RRAS2: variants seen among roughly 807,000 people sequenced by gnomAD.
RRAS2 encodes RAS related 2, also known as ras-related protein R-Ras2.
RRAS2 carries 7 observed loss-of-function variants against 27.6 expected under a neutral mutation model. That is an observed-to-expected ratio of 0.25 (90% confidence interval 0.14 to 0.48). The LOEUF is 0.48. Among genes scored for constraint, RRAS2 ranks in the 20% least tolerant of loss-of-function variants. RRAS2 has a pLI of 0.99. For missense variants in RRAS2, 178 were observed against 256.2 expected, an observed-to-expected ratio of 0.69 and a Z score of 2.08; for synonymous variants, 86 against 90.9, an observed-to-expected ratio of 0.95 and a Z score of 0.31.
chr11:14,287,261 T>C (rs76572957), intron 4 of RRAS2, among the ~76,000 whole-genome samples: 1 of 152,188 alleles, frequency 6.6e-6, no homozygotes, highest in African/African-American at 2.4e-5. Context: ...AGGTTTGTCT[T>C]TGTACATCCA....
At chr11:14,348,541 A>G (rs782644497) in intron 1 of RRAS2, among the ~76,000 whole-genome samples, 2 of 152,162 alleles carry the variant, frequency 1.3e-5, no homozygotes, top group Non-Finnish European at 2.9e-5. Flanking sequence ...CTTCTAGATC[A>G]TTTATTTATC....
At position 14,358,685 on chromosome 11, in the gene RRAS2, G is replaced by A; in HGVS notation, c.108+78C>T. The A allele has an allele frequency of 6.7e-6, 7 of 1,045,038 alleles. No homozygotes were observed. Among genetic ancestry groups the A allele is most frequent in the Non-Finnish European group, 8.1e-6 (7 of 868,440 alleles). 64.7% of individuals were successfully genotyped at this position (1,045,038 alleles called of 1,614,324 possible). A position where few individuals can be genotyped will look rare whatever the true frequency, so the allele number is the denominator to read the frequency against. On this transcript the variant is annotated intron_variant, in intron 1 of 5. Coordinates refer to ENST00000256196, the MANE Select transcript of RRAS2 (RefSeq NM_012250.6). This position sits in a 1 kb window ranked among gnomAD's most constrained non-coding sequence, Gnocchi z 5.1. ...CGAGGCGCCTCTGGGGCGAGGTCGCGGCGGCCGCCCCGCCACAGGTAGCGC... is the reference window on the plus strand; with the variant it reads ...CGAGGCGCCTCTGGGGCGAGGTCGCAGCGGCCGCCCCGCCACAGGTAGCGC...
chr11:14,292,874 G>A (rs1286858638), intron 4 of RRAS2, among the ~76,000 whole-genome samples: 4 of 151,754 alleles, frequency 2.6e-5, no homozygotes, highest in African/African-American at 4.8e-5. Context: ...TTGGGAGGCC[G>A]AGGTGGGTGG....
chr11:14,279,710 C>G (rs1849469863), intron 5 of RRAS2, among the ~76,000 whole-genome samples: 1 of 152,164 alleles, frequency 6.6e-6, no homozygotes, highest in Non-Finnish European at 1.5e-5. Context: ...TTCCATGACT[C>G]TAAGGTATCC....
chr11:14,315,356 C>T (rs191026862), intron 1 of RRAS2, among the ~76,000 whole-genome samples: 288 of 152,322 alleles, frequency 1.9e-3, no homozygotes, highest in African/African-American at 6.6e-3. Flanking sequence ...ACCCATAACC[C>T]TACACCTGTC....
At chr11:14,299,296 G>C (rs529110074) in intron 1 of RRAS2, among the ~76,000 whole-genome samples, 15 of 152,250 alleles carry the variant, frequency 9.9e-5, no homozygotes, top group African/African-American at 2.9e-4. Flanking sequence ...TCTGGGATTT[G>C]GTATCCAAAC....
intron 1 of RRAS2, among the ~76,000 whole-genome samples, chr11:14,340,574 C>T (rs1848683833): frequency 6.6e-6 from 1 of 152,046 alleles, no homozygotes; most frequent in Non-Finnish European, 1.5e-5. Flanking sequence ...CTAGAAGACA[C>T]CGAAAGAAAA....
At chr11:14,305,555 A>G (rs1847811158) in intron 1 of RRAS2, among the ~76,000 whole-genome samples, 1 of 152,134 alleles carries the variant, frequency 6.6e-6, no homozygotes, top group Non-Finnish European at 1.5e-5. Context: ...TCCCCACTCC[A>G]ATAGCTTTCC....
Position 14,277,932 on chromosome 11 carries a change from A to G in RRAS2, c.*1405T>C, listed in dbSNP as rs1849421578. The G allele has an allele frequency of 6.6e-6, 1 of 152,232 alleles. No homozygotes were observed. The highest frequency in any genetic ancestry group is 2.4e-5 in the African/African-American group (1 of 41,470). 9.4% of individuals were successfully genotyped at this position (152,232 alleles called of 1,614,324 possible). The stretch of plus-strand genomic sequence containing the variant: ...TAATCAAACATCATCTTGTGATAAC[A>G]GATCAATTTTAATTCTAGCACCTGA... On this transcript the variant is annotated 3_prime_UTR_variant, in exon 6 of 6. Transcript: ENST00000256196.
chr11:14,337,691 T>C (rs1043446237), intron 1 of RRAS2, among the ~76,000 whole-genome samples: 4 of 152,172 alleles, frequency 2.6e-5, no homozygotes, highest in African/African-American at 9.7e-5. Context: ...AAACAGGATA[T>C]GTAGGGTTCA....
intron 1 of RRAS2, among the ~76,000 whole-genome samples, chr11:14,309,452 G>A (rs1554948553): frequency 6.6e-6 from 1 of 152,198 alleles, no homozygotes; most frequent in African/African-American, 2.4e-5. Flanking sequence ...TTGAAGTATT[G>A]ACCATCAATA....
chr11:14,279,927 T>C (rs1849476380), intron 5 of RRAS2, among the ~76,000 whole-genome samples: 1 of 152,200 alleles, frequency 6.6e-6, no homozygotes, highest in South Asian at 2.1e-4. Flanking sequence ...TGTTAGAATA[T>C]ATCTAATAGC....
chr11:14,281,749 A>C (rs1849542731), intron 4 of RRAS2, 29 bp from the exon 5 acceptor site: 1 of 1,525,370 alleles, frequency 6.6e-7, no homozygotes, highest in Non-Finnish European at 8.9e-7. Context: ...TGTTTATGGT[A>C]CATTATTAAC....
intron 1 of RRAS2, among the ~76,000 whole-genome samples, chr11:14,337,736 G>A (rs1554952724): frequency 6.6e-6 from 1 of 152,106 alleles, no homozygotes; most frequent in Admixed American, 6.5e-5. Flanking sequence ...TGCGGGGGTT[G>A]AAATATATAG....
chr11:14,344,421 G>A (rs1554953810), intron 1 of RRAS2, among the ~76,000 whole-genome samples: 1 of 152,032 alleles, frequency 6.6e-6, no homozygotes, highest in Non-Finnish European at 1.5e-5. Context: ...TACTTGCATG[G>A]GGCAAATTTC....
At chr11:14,333,036 T>G (rs1254764891) in intron 1 of RRAS2, among the ~76,000 whole-genome samples, 2 of 152,188 alleles carry the variant, frequency 1.3e-5, no homozygotes, top group Admixed American at 1.3e-4. Flanking sequence ...CAATTTCTAT[T>G]TCTTCCCATT....
chr11:14,302,883 G>A (rs1847749678), intron 1 of RRAS2, among the ~76,000 whole-genome samples: 2 of 152,230 alleles, frequency 1.3e-5, no homozygotes, highest in Admixed American at 6.5e-5. Context: ...TTTGCCAGCT[G>A]TGGGAAACTA....
intron 1 of RRAS2, among the ~76,000 whole-genome samples, chr11:14,309,494 G>A (rs528098665): frequency 1.3e-5 from 2 of 152,324 alleles, no homozygotes; most frequent in African/African-American, 4.8e-5. Flanking sequence ...AGAGGTGATA[G>A]GAACTCTGAA....
chr11:14,337,519 A>G (rs917393860), intron 1 of RRAS2, among the ~76,000 whole-genome samples: 4 of 152,210 alleles, frequency 2.6e-5, no homozygotes, highest in Admixed American at 2.0e-4. Flanking sequence ...TCATATCATC[A>G]TAAGAATATA....
Sources: gnomAD v4.1 joint callset for allele counts (sites outside exome capture counted in the v4.1 genomes callset) on GRCh38, gnomAD v4.1.1 for gene constraint, Gnocchi (gnomAD v3.1) non-coding constraint, MANE v1.5 for transcripts, NCBI Gene and HGNC (gene_info 2026-07-23, HGNC 2026-07-21) for gene names.